The following TP63 variants were observed in gnomAD, a reference collection of about 807,000 sequenced individuals.
TP63 encodes tumor protein 63.
A neutral mutation model predicts 82.8 loss-of-function variants in TP63; 17 were observed. That is an observed-to-expected ratio of 0.21 (90% confidence interval 0.14 to 0.31). The LOEUF (loss-of-function observed/expected upper bound fraction) is 0.31, where lower values mean the gene tolerates loss of function less well. TP63 is among the 10% of genes least tolerant of loss of function. The probability of loss-of-function intolerance (pLI) is 1.00; values close to 1 mark genes in which losing one functional copy is unlikely to be tolerated. For synonymous variants in TP63, 330 were observed against 321.7 expected (o/e 1.03, Z -0.28); for missense variants, 648 against 895.3 (o/e 0.72, Z 3.52).
intron 4 of TP63, among the ~76,000 whole-genome samples, chr3:189,824,593 T>C (rs532729180): frequency 6.6e-6 from 1 of 152,190 alleles, no homozygotes; most frequent in African/African-American, 2.4e-5. Context: ...GTGAAGACAG[T>C]GATTTTCTCC....
chr3:189,671,550 G>T (rs1714893286), intron 1 of TP63, among the ~76,000 whole-genome samples: 1 of 151,696 alleles, frequency 6.6e-6, no homozygotes, highest in Non-Finnish European at 1.5e-5. Flanking sequence ...TTTATTCAAA[G>T]GAAAGAAAAT....
chr3:189,633,223 G>GT (rs199622833), intron 1 of TP63, among the ~76,000 whole-genome samples: 3,558 of 150,998 alleles, frequency 0.024, 140 homozygotes, highest in African/African-American at 0.08. Context: ...AGTATTTTTG[G>GT]TTTTTTTTTA....
At chr3:189,816,606 A>G (rs545441764) in intron 4 of TP63, among the ~76,000 whole-genome samples, 1 of 152,324 alleles carries the variant, frequency 6.6e-6, no homozygotes, top group East Asian at 1.9e-4. Flanking sequence ...TGTGACTGAA[A>G]GGAGACTTGA....
At chr3:189,708,990 G>A (rs775464060) in intron 1 of TP63, among the ~76,000 whole-genome samples, 57 of 152,042 alleles carry the variant, frequency 3.7e-4, no homozygotes, top group Non-Finnish European at 5.9e-4. Context: ...TACATACCTA[G>A]AATATATTTT....
At chr3:189,626,891 A>C (rs896071420), upstream of TP63, among the ~76,000 whole-genome samples, 1 of 150,812 alleles carries the variant, frequency 6.6e-6, no homozygotes, top group African/African-American at 2.4e-5. Context: ...TAGTCTGTGA[A>C]TTTTCATATT....
At chr3:189,668,227 GA>G (rs199898460) in intron 1 of TP63, among the ~76,000 whole-genome samples, 38 of 150,160 alleles carry the variant, frequency 2.5e-4, no homozygotes, top group African/African-American at 5.9e-4. Context: ...CAATTTTCTG[GA>G]AAAAAAAATC....
At chr3:189,877,997 C>A (rs1310151031) in intron 10 of TP63, among the ~76,000 whole-genome samples, 1 of 152,102 alleles carries the variant, frequency 6.6e-6, no homozygotes, top group East Asian at 1.9e-4. Flanking sequence ...ACCACAGGCA[C>A]ACCCCACTGT....
chr3:189,621,946 C>T, the TP63 span, among the ~76,000 whole-genome samples: 1 of 152,138 alleles, frequency 6.6e-6, no homozygotes, highest in South Asian at 2.1e-4. Flanking sequence ...TGCAAGGTAG[C>T]ACTTTAAATT....
chr3:189,873,211 T>A (rs1381701293), intron 10 of TP63: 2 of 653,518 alleles, frequency 3.1e-6, no homozygotes, highest in Non-Finnish European at 5.3e-6. Flanking sequence ...GTTCTGAAAT[T>A]AAATACAAAC....
At chr3:189,600,281 A>T in the TP63 span, among the ~76,000 whole-genome samples, 11 of 152,156 alleles carry the variant, frequency 7.2e-5, no homozygotes, top group African/African-American at 2.7e-4. Flanking sequence ...CTAGTTTGCC[A>T]TGTGAATTTG....
At chr3:189,698,720 A>G (rs1198986891) in intron 1 of TP63, among the ~76,000 whole-genome samples, 1 of 152,186 alleles carries the variant, frequency 6.6e-6, no homozygotes, top group Non-Finnish European at 1.5e-5. Flanking sequence ...CCTAGAACTC[A>G]TATTCTTTAG....
At chr3:189,662,821 T>A (rs1714040630) in intron 1 of TP63, among the ~76,000 whole-genome samples, 2 of 152,068 alleles carry the variant, frequency 1.3e-5, no homozygotes, top group Admixed American at 1.3e-4. Flanking sequence ...TTCTTAAACA[T>A]TTGTGGATAT....
chr3:189,808,245 T>C, intron 3 of TP63, 27 bp from the exon 4 acceptor site: 1 of 1,614,212 alleles, frequency 6.2e-7, no homozygotes, highest in Non-Finnish European at 8.5e-7. Flanking sequence ...CAGCGGCTAA[T>C]ATTGGGGTTT....
chr3:189,668,494 A>G, intron 1 of TP63, among the ~76,000 whole-genome samples: 2 of 152,136 alleles, frequency 1.3e-5, no homozygotes, highest in East Asian at 3.9e-4. Context: ...TGCAGTAACT[A>G]AAATCTTAAA....
At chr3:189,880,658 C>G in intron 10 of TP63, 1 of 985,456 alleles carries the variant, frequency 1.0e-6, no homozygotes, top group Non-Finnish European at 1.2e-6. Context: ...GACTGAGAGA[C>G]TCAGTCAGAC....
intron 1 of TP63, among the ~76,000 whole-genome samples, chr3:189,685,597 C>T (rs915721931): frequency 6.6e-6 from 1 of 152,108 alleles, no homozygotes; most frequent in African/African-American, 2.4e-5. Context: ...ATTTCCCAAA[C>T]TGGTTTGTGT....
chr3:189,833,330 T>C (rs754289259), intron 4 of TP63, among the ~76,000 whole-genome samples: 12 of 152,226 alleles, frequency 7.9e-5, no homozygotes, highest in Non-Finnish European at 1.3e-4. Context: ...TCATTTGTAG[T>C]GTAAAAGAAC....
intron 1 of TP63, among the ~76,000 whole-genome samples, chr3:189,684,780 G>A (rs762819705): frequency 2.0e-5 from 3 of 151,690 alleles, no homozygotes; most frequent in African/African-American, 4.8e-5. Flanking sequence ...ACAGGCATAC[G>A]TTACCAAGCC....
intron 1 of TP63, among the ~76,000 whole-genome samples, chr3:189,727,339 A>G (rs1041553431): frequency 6.6e-6 from 1 of 152,230 alleles, no homozygotes; most frequent in Admixed American, 6.5e-5. Flanking sequence ...TATTTTCTGC[A>G]TGAATCAGAC....
Sources: allele counts gnomAD v4.1 joint callset (sites outside exome capture counted in the v4.1 genomes callset), GRCh38; gene constraint gnomAD v4.1.1; transcripts MANE v1.5; gene names NCBI Gene and HGNC (gene_info 2026-07-23, HGNC 2026-07-21).